Variants in SGCZ observed in about 807,000 individuals in gnomAD.
SGCZ encodes zeta-sarcoglycan.
Under a neutral mutation model 41.3 loss-of-function variants are expected in SGCZ, and 40 were observed. The ratio of observed to expected loss-of-function variants is 0.97; its 90% CI spans 0.75 to 1.26. The LOEUF is 1.26. Ranked by LOEUF, SGCZ falls within the 50% of genes most tolerant of loss-of-function variation. The probability of loss-of-function intolerance (pLI) is 0.00; values close to 1 mark genes in which losing one functional copy is unlikely to be tolerated. For missense variants in SGCZ, 552 were observed against 369.8 expected (o/e 1.49, Z -4.04); for synonymous variants, 206 against 137.5 (o/e 1.50, Z -3.49).
Position 14,324,175 on chromosome 8 carries a change from C to T in SGCZ, c.264G>A (p.Lys88=), listed in dbSNP as rs757463731. Residue 88 remains lysine, a synonymous_variant, in exon 3 of 8, where the codon AAG becomes AAA. Transcript: ENST00000382080. ...ATATACCTTCAAGTCGGATTCCCTT[C>T]TTGGTGACTCTCAGATTTCCCATAC... ...VDGMGNLRVT[K]KGIRLEGISE... is the part of the protein sequence containing the mutation. The T allele has an allele frequency of 2.5e-6, 4 of 1,612,740 alleles. No homozygotes were observed. Among genetic ancestry groups the T allele is most frequent in the Non-Finnish European group, 3.4e-6 (4 of 1,179,350 alleles).
At chr8:15,110,766 C>A in intron 1 of SGCZ, among the ~76,000 whole-genome samples, 1 of 152,022 alleles carries the variant, frequency 6.6e-6, no homozygotes, top group East Asian at 1.9e-4. Context: ...GTCAGGAGTT[C>A]GAGACCAGCC....
chr8:15,168,155 C>T (rs1399841525), intron 1 of SGCZ, among the ~76,000 whole-genome samples: 2 of 152,116 alleles, frequency 1.3e-5, no homozygotes. Flanking sequence ...GACACCCCCA[C>T]CTCCCAAGAT....
At chr8:14,436,332 G>C (rs1450567958) in intron 2 of SGCZ, among the ~76,000 whole-genome samples, 1 of 152,180 alleles carries the variant, frequency 6.6e-6, no homozygotes, top group African/African-American at 2.4e-5. Context: ...ATTAAAAGTA[G>C]TGAAATTTAA....
intron 3 of SGCZ, among the ~76,000 whole-genome samples, chr8:14,317,409 C>T (rs1202294525): frequency 6.6e-6 from 1 of 151,836 alleles, no homozygotes; most frequent in African/African-American, 2.4e-5. Context: ...GTAGTGTATG[C>T]TGAATGTTAG....
intron 1 of SGCZ, among the ~76,000 whole-genome samples, chr8:15,073,421 A>G (rs2131031608): frequency 1.3e-5 from 2 of 152,274 alleles, no homozygotes; most frequent in Middle Eastern, 6.8e-3. Flanking sequence ...ACAATTCACA[A>G]TAAATTAATA....
rs192288832 is a variant in SGCZ, at chr8:15,005,550, C to A, written c.39+232035G>T. 5.2e-3 allele frequency among the ~76,000 whole-genome samples: 683 copies of A among 130,568 alleles called. 4 individuals carry two copies. Among genetic ancestry groups the A allele is most frequent in the African/African-American group, 0.019 (664 of 35,160 alleles). 85.7% of individuals were successfully genotyped at this position (130,568 alleles called of 152,430 possible). On this transcript the variant is annotated intron_variant, in intron 1 of 7. Transcript: ENST00000382080. Reference sequence around the variant, plus strand: ...TTCTCCATGTTCGTTAGGCTGGTCTCGAACTCCTGACCTCAGGTTGTTCCG... The same window carrying A: ...TTCTCCATGTTCGTTAGGCTGGTCTAGAACTCCTGACCTCAGGTTGTTCCG...
chr8:14,111,970 A>T (rs1256538852), intron 5 of SGCZ, among the ~76,000 whole-genome samples: 1 of 152,182 alleles, frequency 6.6e-6, no homozygotes, highest in African/African-American at 2.4e-5. Context: ...TCTATATTCT[A>T]AATGCTATCT....
chr8:14,443,485 A>G (rs1385573047), intron 2 of SGCZ, among the ~76,000 whole-genome samples: 2 of 152,128 alleles, frequency 1.3e-5, no homozygotes, highest in African/African-American at 4.8e-5. Flanking sequence ...GGAACAGAAC[A>G]GAGCCCTCAG....
At position 15,237,613 on chromosome 8, in the gene SGCZ, G is replaced by A. The variant is rs373385786; in HGVS notation, c.11C>T (p.Ser4Leu). The A allele has an allele frequency of 6.3e-7, 1 of 1,588,168 alleles. No homozygotes were observed. Among genetic ancestry groups the A allele is most frequent in the Non-Finnish European group, 8.6e-7 (1 of 1,165,352 alleles). Residue 4 changes from serine (S) to leucine (L), a missense_variant, in exon 1 of 8, where the codon TCA becomes TTA. Physicochemically the swap from Ser to Leu is moderately radical, Grantham distance 145. Transcript: ENST00000382080. Reference protein sequence around the residue: MDRSTNLDIEELKM... With the variant: MDRLTNLDIEELKM... ...GAGCTCCTCAATGTCCAGGTTCGTTGATCTGTCCATGGAGCGCAACTAAAC... is the reference window on the plus strand; with the variant it reads ...GAGCTCCTCAATGTCCAGGTTCGTTAATCTGTCCATGGAGCGCAACTAAAC...
intron 5 of SGCZ, among the ~76,000 whole-genome samples, chr8:14,123,567 TATATAC>T: frequency 6.6e-6 from 1 of 152,162 alleles, no homozygotes. Context: ...GACCAAGACC[TATATAC>T]TCCATCTTCT....
At chr8:14,731,300 C>G (rs939727179) in intron 1 of SGCZ, among the ~76,000 whole-genome samples, 1 of 148,702 alleles carries the variant, frequency 6.7e-6, no homozygotes, top group African/African-American at 2.5e-5. Flanking sequence ...AAACCAAACA[C>G]CACATGTTCC....
intron 2 of SGCZ, among the ~76,000 whole-genome samples, chr8:14,380,104 C>T (rs1804303734): frequency 6.6e-6 from 1 of 152,114 alleles, no homozygotes; most frequent in South Asian, 2.1e-4. Context: ...TATATTTTAT[C>T]TTCTGTAAGC....
intron 2 of SGCZ, among the ~76,000 whole-genome samples, chr8:14,374,636 A>C (rs1282784757): frequency 2.7e-5 from 4 of 149,312 alleles, no homozygotes; most frequent in Admixed American, 6.6e-5. Context: ...CCATAAATAC[A>C]TAGGGAGGCC....
rs1376497424 is a variant in SGCZ, at chr8:14,645,502, G to A, written c.40-90576C>T. Among the ~76,000 whole-genome samples the A allele has an allele frequency of 1.1e-4, 11 of 96,870 alleles. 1 individual carries two copies. The highest frequency in any genetic ancestry group is 1.5e-4 in the African/African-American group (4 of 26,010). 63.6% of individuals were successfully genotyped at this position (96,870 alleles called of 152,430 possible). ...TTTATATGTATATATATATATATAT[G>A]GCACATATATGCAATAATTATGTTT... On this transcript the variant is annotated intron_variant, in intron 1 of 7. Coordinates refer to ENST00000382080, the MANE Select transcript of SGCZ (RefSeq NM_139167.4).
intron 1 of SGCZ, among the ~76,000 whole-genome samples, chr8:15,143,476 A>G (rs1389200295): frequency 6.6e-6 from 1 of 152,248 alleles, no homozygotes; most frequent in Non-Finnish European, 1.5e-5. Flanking sequence ...TGCATTTATA[A>G]TATTCTCATG....
At chr8:14,974,202 TTAC>T (rs1801389094) in intron 1 of SGCZ, among the ~76,000 whole-genome samples, 1 of 152,216 alleles carries the variant, frequency 6.6e-6, no homozygotes, top group South Asian at 2.1e-4. Flanking sequence ...GTAGTATAAA[TTAC>T]ACAACATATT....
At chr8:14,314,722 A>C (rs1801658822) in intron 3 of SGCZ, among the ~76,000 whole-genome samples, 1 of 152,122 alleles carries the variant, frequency 6.6e-6, no homozygotes, top group South Asian at 2.1e-4. Flanking sequence ...AATTTGCATA[A>C]AGATTTAATT....
intron 1 of SGCZ, among the ~76,000 whole-genome samples, chr8:14,901,074 A>G (rs1404599850): frequency 6.6e-6 from 1 of 152,206 alleles, no homozygotes; most frequent in Non-Finnish European, 1.5e-5. Context: ...TACTCAAAGG[A>G]AGAGAGCTTG....
intron 3 of SGCZ, among the ~76,000 whole-genome samples, chr8:14,280,202 T>C (rs1056984165): frequency 3.3e-5 from 5 of 151,950 alleles, no homozygotes; most frequent in African/African-American, 4.8e-5. Flanking sequence ...GATAATAGGA[T>C]TGTTCTATTT....
Sources: gnomAD v4.1 joint callset for allele counts (sites outside exome capture counted in the v4.1 genomes callset) on GRCh38, gnomAD v4.1.1 for gene constraint, MANE v1.5 for transcripts, NCBI Gene and HGNC (gene_info 2026-07-23, HGNC 2026-07-21) for gene names.